Variants in ZNF516 observed in about 807,000 individuals in gnomAD.
ZNF516 encodes zinc finger protein 516.
Under a neutral mutation model 79.7 loss-of-function variants are expected in ZNF516, and 19 were observed. The ratio of observed to expected loss-of-function variants is 0.24; its 90% CI spans 0.17 to 0.35. The LOEUF (loss-of-function observed/expected upper bound fraction) is 0.35, where lower values mean the gene tolerates loss of function less well. Among genes scored for constraint, ZNF516 ranks in the 10% least tolerant of loss-of-function variants. ZNF516 has a pLI of 1.00. For synonymous variants in ZNF516, 877 were observed against 739.5 expected (o/e 1.19, Z -3.02); for missense variants, 1,678 against 1,679.5 (o/e 1.00, Z 0.02).
rs1311792470 is a variant in ZNF516, at chr18:76,385,780, C to CCCCA, written c.1811-5478_1811-5477insTGGG. ...CATGTAGGGTGCCACTGCACTGCCC[C>CCCCA]CCCCCCGGGAGCTGTACCCCCATGG... On this transcript the variant is annotated intron_variant, in intron 3 of 6. Coordinates refer to ENST00000443185, the MANE Select transcript of ZNF516 (RefSeq NM_014643.4). The CCCCA allele has an allele frequency of 4.0e-5, 6 of 150,624 alleles. No homozygotes were observed. The East Asian group carries it at 1.2e-3, about 29-fold the overall frequency. 9.3% of individuals were successfully genotyped at this position (150,624 alleles called of 1,614,324 possible).
At chr18:76,457,553 A>G (rs1249046828) in intron 2 of ZNF516, among the ~76,000 whole-genome samples, 2 of 152,164 alleles carry the variant, frequency 1.3e-5, no homozygotes, top group East Asian at 3.8e-4. Context: ...CTATATAAAG[A>G]TTAAAAAATA....
At chr18:76,440,726 G>A (rs1437274594) in intron 3 of ZNF516, among the ~76,000 whole-genome samples, 3 of 81,392 alleles carry the variant, frequency 3.7e-5, no homozygotes, top group Non-Finnish European at 8.1e-5. Flanking sequence ...GTGGAGGAAA[G>A]TGTGTGTGTG....
chr18:76,490,119 C>T (rs1354408218), intron 1 of ZNF516: 1 of 979,468 alleles, frequency 1.0e-6, no homozygotes, highest in Non-Finnish European at 1.2e-6. Flanking sequence ...ATTCAATTAC[C>T]AAAATATTTG....
At chr18:76,488,521 T>TGAGAGG (rs1914966219) in intron 1 of ZNF516, among the ~76,000 whole-genome samples, 2 of 86,916 alleles carry the variant, frequency 2.3e-5, no homozygotes, top group African/African-American at 8.7e-5. Context: ...CTAGAACTTT[T>TGAGAGG]GAGGGGGAGG....
At position 76,380,310 on chromosome 18, in the gene ZNF516, G is replaced by A. The variant is rs751132089; in HGVS notation, c.1811-7C>T. 9 of 1,609,828 alleles carry A rather than the reference G, an allele frequency of 5.6e-6. No homozygotes were observed. The highest frequency in any genetic ancestry group is 1.7e-4 in the Middle Eastern group (1 of 6,050). On this transcript the variant is annotated splice_region_variant and splice_polypyrimidine_tract_variant and intron_variant, in intron 3 of 6. Coordinates refer to ENST00000443185, the MANE Select transcript of ZNF516 (RefSeq NM_014643.4). ...CAGCGGCGCGGCTGTCCCCCTAGAG[G>A]AGGCAAAATATGAAACGGGAAGTTA...
At position 76,362,425 on chromosome 18, in the gene ZNF516, G is replaced by A; in HGVS notation, c.*73C>T. The A allele has an allele frequency of 1.3e-6, 2 of 1,486,852 alleles. No homozygotes were observed. The highest frequency in any genetic ancestry group is 1.9e-6 in the Non-Finnish European group (2 of 1,077,348). 92.1% of individuals were successfully genotyped at this position (1,486,852 alleles called of 1,614,324 possible). On this transcript the variant is annotated 3_prime_UTR_variant, in exon 7 of 7. Transcript: ENST00000443185. ...CATGGAGCGGCCAGGTCACAGGTGG[G>A]AGGCTGCTGGGACATCGTGAGGGTA... is the stretch of plus-strand genomic sequence containing the variant.
chr18:76,472,295 A>G (rs772061378), intron 1 of ZNF516, among the ~76,000 whole-genome samples: 1 of 152,008 alleles, frequency 6.6e-6, no homozygotes, highest in Non-Finnish European at 1.5e-5. Context: ...CTTCTCAAAC[A>G]TCAGCTCTTG....
chr18:76,468,006 G>A (rs747218862), intron 1 of ZNF516, among the ~76,000 whole-genome samples: 73 of 152,104 alleles, frequency 4.8e-4, no homozygotes, highest in Non-Finnish European at 8.5e-4. Context: ...CGCGACGGAC[G>A]GCCTTGCGGG....
intron 3 of ZNF516, chr18:76,387,216 C>G (rs1256960212): frequency 1.3e-5 from 2 of 152,324 alleles, no homozygotes; most frequent in African/African-American, 4.8e-5. Flanking sequence ...CTTCCAGGCA[C>G]CCCACCACGA....
intron 3 of ZNF516, among the ~76,000 whole-genome samples, chr18:76,383,323 T>A (rs1305230571): frequency 6.6e-6 from 1 of 151,770 alleles, no homozygotes; most frequent in Non-Finnish European, 1.5e-5. Flanking sequence ...CGCAGGATCC[T>A]CAGCAACAAG....
At chr18:76,480,524 C>CACACATATATAT (rs1267997459) in intron 1 of ZNF516, among the ~76,000 whole-genome samples, 1 of 116,400 alleles carries the variant, frequency 8.6e-6, no homozygotes, top group South Asian at 2.6e-4. Flanking sequence ...CACACACACA[C>CACACATATATAT]ATATATTTTT....
At position 76,467,698 on chromosome 18, in the gene ZNF516, A is replaced by G. The variant is rs1913573438; in HGVS notation, c.-271-4557T>C. Among the ~76,000 whole-genome samples, 1 of 152,226 alleles carries G rather than the reference A, an allele frequency of 6.6e-6. No homozygotes were observed. Among genetic ancestry groups the G allele is most frequent in the Admixed American group, 6.5e-5 (1 of 15,280 alleles). ...GGCTACACCTCAAAAACATGTTGCAATCTACATGGGCTGCCTCATTTTCAA... is the reference window on the plus strand; with the variant it reads ...GGCTACACCTCAAAAACATGTTGCAGTCTACATGGGCTGCCTCATTTTCAA... On this transcript the variant is annotated intron_variant, in intron 1 of 6. Transcript: ENST00000443185. The surrounding 1 kb of genome is among the most constrained non-coding windows in gnomAD (Gnocchi z 4.2).
At chr18:76,488,293 C>T in intron 1 of ZNF516, 1 of 972,762 alleles carries the variant, frequency 1.0e-6, no homozygotes, top group Non-Finnish European at 1.2e-6. Flanking sequence ...TAGCCATTAA[C>T]AATGCTGGAA....
intron 6 of ZNF516, 89 bp from the exon 7 acceptor site, chr18:76,362,646 C>T: frequency 7.7e-7 from 1 of 1,301,236 alleles, no homozygotes; most frequent in Non-Finnish European, 1.1e-6. Context: ...TTCTAATCAA[C>T]ATCCAAGAAC....
At chr18:76,474,532 A>T (rs933058114) in intron 1 of ZNF516, among the ~76,000 whole-genome samples, 1 of 152,266 alleles carries the variant, frequency 6.6e-6, no homozygotes, top group Non-Finnish European at 1.5e-5. Context: ...CTCTCTTCAA[A>T]GTACCAGTGT....
At chr18:76,438,357 G>C (rs1001243323) in intron 3 of ZNF516, among the ~76,000 whole-genome samples, 6 of 152,212 alleles carry the variant, frequency 3.9e-5, no homozygotes, top group Admixed American at 2.6e-4. Flanking sequence ...GAGCCTACTT[G>C]TGTTTGGGAA....
intron 4 of ZNF516, among the ~76,000 whole-genome samples, chr18:76,373,338 AAAGG>A (rs2074737944): frequency 6.6e-6 from 1 of 151,630 alleles, no homozygotes; most frequent in Non-Finnish European, 1.5e-5. Flanking sequence ...GAAGTAAAGA[AAAGG>A]AAGGAAAGGA....
intron 3 of ZNF516, among the ~76,000 whole-genome samples, chr18:76,433,609 G>T (rs148523808): frequency 6.6e-6 from 1 of 152,196 alleles, no homozygotes; most frequent in Non-Finnish European, 1.5e-5. Flanking sequence ...GTCACAGCAA[G>T]GTGGAGAGGG....
At chr18:76,453,920 C>T (rs569473369) in intron 2 of ZNF516, among the ~76,000 whole-genome samples, 4 of 152,294 alleles carry the variant, frequency 2.6e-5, no homozygotes, top group African/African-American at 9.6e-5. Context: ...GAACAATGTT[C>T]GCCTCCCAAA....
Sources: gnomAD v4.1 joint callset for allele counts (sites outside exome capture counted in the v4.1 genomes callset) on GRCh38, gnomAD v4.1.1 for gene constraint, Gnocchi (gnomAD v3.1) non-coding constraint, MANE v1.5 for transcripts, NCBI Gene and HGNC (gene_info 2026-07-23, HGNC 2026-07-21) for gene names.